RNGTT: variants seen among roughly 807,000 people sequenced by gnomAD.
RNGTT encodes mRNA-capping enzyme.
A neutral mutation model predicts 79.3 loss-of-function variants in RNGTT; 33 were observed. The observed-to-expected ratio is 0.42, with a 90% CI of 0.32 to 0.56. The LOEUF (loss-of-function observed/expected upper bound fraction) is 0.56. Ranked by LOEUF, RNGTT falls within the 20% of genes least tolerant of loss-of-function variation. The pLI, the probability that RNGTT is intolerant of heterozygous loss-of-function variation, is 0.17. For missense variants in RNGTT, 497 were observed against 739.1 expected (o/e 0.67, Z 3.80); for synonymous variants, 222 against 235.9 (o/e 0.94, Z 0.54).
chr6:88,956,546 C>G (rs1430459733), intron 1 of RNGTT, among the ~76,000 whole-genome samples: 1 of 152,094 alleles, frequency 6.6e-6, no homozygotes, highest in Admixed American at 6.6e-5. Flanking sequence ...TTCTATGAAG[C>G]CAGTATCACT....
chr6:88,900,972 T>C (rs961523565), intron 6 of RNGTT, among the ~76,000 whole-genome samples: 25 of 151,864 alleles, frequency 1.6e-4, no homozygotes, highest in African/African-American at 6.0e-4. Context: ...TGAAACCCTG[T>C]CTCTACTAAA....
At chr6:88,885,336 T>C (rs1056757339) in intron 8 of RNGTT, among the ~76,000 whole-genome samples, 11 of 152,024 alleles carry the variant, frequency 7.2e-5, no homozygotes, top group Non-Finnish European at 1.0e-4. Flanking sequence ...ACTCAAAAAA[T>C]GAGGGAGAGA....
intron 13 of RNGTT, among the ~76,000 whole-genome samples, chr6:88,709,600 TAC>T (rs1776254172): frequency 6.6e-6 from 1 of 152,254 alleles, no homozygotes; most frequent in African/African-American, 2.4e-5. Flanking sequence ...ATTTTAATAA[TAC>T]ATTGTATTTA....
At chr6:88,804,359 C>G (rs867366080) in intron 11 of RNGTT, among the ~76,000 whole-genome samples, 1 of 152,156 alleles carries the variant, frequency 6.6e-6, no homozygotes, top group Non-Finnish European at 1.5e-5. Flanking sequence ...ATTTTATAGA[C>G]TTGGCCAGAC....
intron 4 of RNGTT, among the ~76,000 whole-genome samples, chr6:88,921,805 A>T (rs889047299): frequency 2.6e-5 from 4 of 152,114 alleles, no homozygotes; most frequent in African/African-American, 9.7e-5. Context: ...AAAATACAGT[A>T]AAAAATAATA....
At chr6:88,852,748 C>A (rs189096482) in intron 9 of RNGTT, among the ~76,000 whole-genome samples, 67 of 152,208 alleles carry the variant, frequency 4.4e-4, no homozygotes, top group Non-Finnish European at 7.5e-4. Flanking sequence ...GTCACTTGTA[C>A]GGACATGTAG....
At chr6:88,948,394 C>A (rs1366456228) in intron 1 of RNGTT, among the ~76,000 whole-genome samples, 405 of 128,254 alleles carry the variant, frequency 3.2e-3, no homozygotes, top group African/African-American at 0.011. Context: ...CCAGCCGCCC[C>A]GTCCGGGAGG....
intron 14 of RNGTT, among the ~76,000 whole-genome samples, chr6:88,626,466 T>A (rs1366883414): frequency 6.6e-6 from 1 of 152,068 alleles, no homozygotes; most frequent in African/African-American, 2.4e-5. Flanking sequence ...TTCCAAGGAT[T>A]ACATTTCACT....
intron 12 of RNGTT, among the ~76,000 whole-genome samples, chr6:88,800,964 A>G (rs1303334420): frequency 6.6e-6 from 1 of 152,196 alleles, no homozygotes; most frequent in African/African-American, 2.4e-5. Flanking sequence ...ACAGCAAAGA[A>G]TTATCTGGCC....
chr6:88,632,076 T>C (rs554876960), intron 14 of RNGTT, among the ~76,000 whole-genome samples: 5 of 152,252 alleles, frequency 3.3e-5, no homozygotes, highest in Admixed American at 1.3e-4. Context: ...TACTCCCACC[T>C]CAGCTTTGCT....
intron 1 of RNGTT, among the ~76,000 whole-genome samples, chr6:88,962,799 C>T (rs1002398678): frequency 2.0e-5 from 3 of 151,944 alleles, no homozygotes; most frequent in African/African-American, 7.3e-5. Context: ...GGTGCGGTGG[C>T]AGGAGCATGT....
intron 13 of RNGTT, among the ~76,000 whole-genome samples, chr6:88,719,200 T>C (rs1182121564): frequency 1.3e-5 from 2 of 152,216 alleles, no homozygotes; most frequent in Non-Finnish European, 2.9e-5. Flanking sequence ...TACTGCAAGG[T>C]ATCAATAAAT....
At chr6:88,616,514 CTTTTT>C (rs369868166) in intron 14 of RNGTT, among the ~76,000 whole-genome samples, 1 of 149,458 alleles carries the variant, frequency 6.7e-6, no homozygotes, top group Non-Finnish European at 1.5e-5. Context: ...GTTTTTGTTC[CTTTTT>C]TTTTTAAAAA....
At chr6:88,831,419 A>G (rs1780860422) in intron 11 of RNGTT, among the ~76,000 whole-genome samples, 1 of 152,246 alleles carries the variant, frequency 6.6e-6, no homozygotes, top group Non-Finnish European at 1.5e-5. Context: ...TCAATAGACT[A>G]GGTACTGATG....
intron 4 of RNGTT, among the ~76,000 whole-genome samples, chr6:88,922,660 T>C (rs1309770326): frequency 6.6e-6 from 1 of 152,134 alleles, no homozygotes; most frequent in Non-Finnish European, 1.5e-5. Context: ...CCCAAGTAGC[T>C]GGGACTACAG....
intron 4 of RNGTT, among the ~76,000 whole-genome samples, chr6:88,913,404 C>CA (rs886339484): frequency 6.7e-5 from 10 of 150,114 alleles, no homozygotes; most frequent in African/African-American, 9.8e-5. Flanking sequence ...AAAAACACAA[C>CA]AAAAAAAAAT....
chr6:88,722,459 C>A (rs1465611986), intron 13 of RNGTT, among the ~76,000 whole-genome samples: 1 of 152,104 alleles, frequency 6.6e-6, no homozygotes, highest in Admixed American at 6.5e-5. Context: ...TCTAAAGACA[C>A]AGGAGAAGAG....
intron 2 of RNGTT, among the ~76,000 whole-genome samples, chr6:88,937,415 T>A (rs1362308740): frequency 6.6e-6 from 1 of 152,188 alleles, no homozygotes; most frequent in African/African-American, 2.4e-5. Flanking sequence ...CTCTTTCTCA[T>A]TTCTGATTTA....
At chr6:88,694,642 T>G (rs560113892) in intron 13 of RNGTT, among the ~76,000 whole-genome samples, 4 of 152,200 alleles carry the variant, frequency 2.6e-5, no homozygotes, top group Admixed American at 2.6e-4. Flanking sequence ...CCAAGGCAAT[T>G]TTGAGCAAAA....
Sources: gnomAD v4.1 joint callset for allele counts (sites outside exome capture counted in the v4.1 genomes callset) on GRCh38, gnomAD v4.1.1 for gene constraint, MANE v1.5 for transcripts, NCBI Gene and HGNC (gene_info 2026-07-23, HGNC 2026-07-21) for gene names.